Variants in NSUN4 observed in about 807,000 individuals in gnomAD.
NSUN4 encodes the protein NOP2/Sun RNA methyltransferase 4, also known as 5-cytosine rRNA methyltransferase NSUN4.
A neutral mutation model predicts 43.8 loss-of-function variants in NSUN4; 31 were observed. That is an observed-to-expected ratio of 0.71 (90% CI 0.53 to 0.96). NSUN4 has a LOEUF of 0.96. Ranked by LOEUF, NSUN4 falls within the 40% of genes least tolerant of loss-of-function variation. The probability of loss-of-function intolerance (pLI) is 0.00; values close to 1 mark genes in which losing one functional copy is unlikely to be tolerated. For synonymous variants in NSUN4, 167 were observed against 184.1 expected (o/e 0.91, Z 0.75); for missense variants, 439 against 475.6 (o/e 0.92, Z 0.72).
At chr1:46,341,010 C>A in intron 1 of NSUN4, 91 bp downstream of exon 1, 1 of 1,285,266 alleles carries the variant, frequency 7.8e-7, no homozygotes, top group South Asian at 1.4e-5. Context: ...CGCCTAGCGT[C>A]TTTCCCAAGC....
chr1:46,365,208 G>T (rs1370991113), downstream of NSUN4: 1 of 152,104 alleles, frequency 6.6e-6, no homozygotes, highest in Non-Finnish European at 1.5e-5. Context: ...GTATTCCATG[G>T]TGCAGACATA....
intron 4 of NSUN4, among the ~76,000 whole-genome samples, chr1:46,358,855 A>G (rs115227641): frequency 3.9e-5 from 6 of 152,282 alleles, no homozygotes; most frequent in Admixed American, 2.6e-4. Flanking sequence ...TATCAAAACT[A>G]TTGTTGACAA....
At chr1:46,341,907 G>A (rs1399042015) in intron 1 of NSUN4, 1 of 1,232,866 alleles carries the variant, frequency 8.1e-7, no homozygotes, top group Non-Finnish European at 1.0e-6. Flanking sequence ...TTACTCTAGC[G>A]GATGGCCTTC....
At chr1:46,351,811 C>T (rs905135091) in intron 3 of NSUN4, among the ~76,000 whole-genome samples, 3 of 151,200 alleles carry the variant, frequency 2.0e-5, no homozygotes, top group Admixed American at 6.6e-5. Flanking sequence ...ACTACAGGTA[C>T]CCACCCCCAT....
chr1:46,361,935 A>G lies in NSUN4; in HGVS notation c.*89A>G. ...AAACTGGGACCAGTGGCAGAGATGC[A>G]CTCTCGGTCCTGTCTCCATCCTGTT... On this transcript the variant is annotated 3_prime_UTR_variant, in exon 6 of 6. Transcript: ENST00000474844. 1 of 1,200,030 alleles carries G rather than the reference A, an allele frequency of 8.3e-7. No individual in the cohort carries two copies. Among genetic ancestry groups the G allele is most frequent in the Non-Finnish European group, 1.2e-6 (1 of 851,828 alleles). The allele number at this position is 1,200,030 out of a possible 1,614,324, so 74.3% of individuals were successfully genotyped here.
intron 2 of NSUN4, among the ~76,000 whole-genome samples, chr1:46,346,005 G>T (rs988377927): frequency 1.3e-5 from 2 of 151,826 alleles, no homozygotes; most frequent in African/African-American, 2.4e-5. Context: ...AAAAAAATTA[G>T]CTGGGTGTGG....
chr1:46,360,971 C>A, intron 5 of NSUN4, 143 bp downstream of exon 5: 1 of 922,892 alleles, frequency 1.1e-6, no homozygotes, highest in Non-Finnish European at 1.7e-6. Context: ...ATGGGATCAT[C>A]TCTGGAACAT....
At chr1:46,346,840 A>T in intron 2 of NSUN4, 81 bp from the exon 3 acceptor site, 1 of 1,151,222 alleles carries the variant, frequency 8.7e-7, no homozygotes, top group Non-Finnish European at 1.2e-6. Context: ...CAAGCCCCAG[A>T]GGGCATAGAC....
intron 1 of NSUN4, chr1:46,343,508 T>G (rs1662270206): frequency 2.5e-6 from 1 of 399,564 alleles, no homozygotes; most frequent in African/African-American, 2.1e-5. Context: ...CGACTATTAT[T>G]AGCAAATGCC....
chr1:46,341,787 G>A, intron 1 of NSUN4: 1 of 1,232,360 alleles, frequency 8.1e-7, no homozygotes, highest in Non-Finnish European at 1.0e-6. Flanking sequence ...CAGCATTCCG[G>A]GGTCACCCCC....
the NSUN4 span, among the ~76,000 whole-genome samples, chr1:46,370,186 T>TA: frequency 2.6e-5 from 4 of 152,068 alleles, no homozygotes; most frequent in Admixed American, 2.0e-4. Context: ...AAGACAGACT[T>TA]AGGGAAGAGA....
At chr1:46,373,890 G>A in the NSUN4 span, among the ~76,000 whole-genome samples, 2 of 150,584 alleles carry the variant, frequency 1.3e-5, no homozygotes, top group East Asian at 3.9e-4. Context: ...GTAGAGAATA[G>A]AATGGTGGTT....
intron 5 of NSUN4, among the ~76,000 whole-genome samples, chr1:46,361,046 C>T (rs1663831719): frequency 6.6e-6 from 1 of 152,120 alleles, no homozygotes; most frequent in Non-Finnish European, 1.5e-5. Flanking sequence ...ACTCAGGGGG[C>T]TGAGGGAGGA....
chr1:46,362,437 A>G lies in NSUN4; in HGVS notation c.*591A>G, dbSNP rs17361819. ...CTGCTTACCTACTCACATTGGAAAA[A>G]CCCTCTGAGCTGAATAATTCTGGCC... On this transcript the variant is annotated 3_prime_UTR_variant, in exon 6 of 6. Coordinates refer to ENST00000474844, the MANE Select transcript of NSUN4 (RefSeq NM_199044.4). The G allele has an allele frequency of 0.23, 34,258 of 151,692 alleles. 4,321 individuals carry two copies. Among genetic ancestry groups the G allele is most frequent in the Non-Finnish European group, 0.29 (19,889 of 68,184 alleles). The allele number at this position is 151,692 out of a possible 1,614,324, so 9.4% of individuals were successfully genotyped here. A position where few individuals can be genotyped will look rare whatever the true frequency, so the allele number is the denominator to read the frequency against.
chr1:46,366,620 A>G (rs1487172583), downstream of NSUN4, among the ~76,000 whole-genome samples: 3 of 146,080 alleles, frequency 2.1e-5, no homozygotes, highest in Admixed American at 1.4e-4. Flanking sequence ...GTACTTTGGG[A>G]GGCCAAGGCA....
chr1:46,374,475 G>C, the NSUN4 span, among the ~76,000 whole-genome samples: 74 of 151,778 alleles, frequency 4.9e-4, no homozygotes, highest in African/African-American at 1.7e-3. Context: ...TGGGCATGGT[G>C]GTGAGCTCCT....
intron 4 of NSUN4, among the ~76,000 whole-genome samples, chr1:46,356,611 A>G (rs1663391506): frequency 6.6e-6 from 1 of 151,996 alleles, no homozygotes; most frequent in African/African-American, 2.4e-5. Context: ...AGAATGGCGT[A>G]AACCCTGTGG....
intron 1 of NSUN4, 196 bp downstream of exon 1, chr1:46,341,115 T>G: frequency 7.9e-7 from 1 of 1,270,826 alleles, no homozygotes; most frequent in Non-Finnish European, 1.0e-6. Flanking sequence ...GTCTTCCACT[T>G]GTTACGTCTG....
Position 46,345,090 on chromosome 1 carries a change from A to G in NSUN4, c.383A>G (p.Asn128Ser). The change falls in exon 2 of 6, where the codon AAC becomes AGC. Residue 128 changes from asparagine (N) to serine (S), a missense_variant. Transcript: ENST00000474844. ...CCTGCCTCCTGGGCCTGCAGTCCGA[A>G]CCTTCGATGCTTCACTTTTGACAGA... Reference protein sequence around the residue: ...PSPASWACSPNLRCFTFDRGD... With the variant: ...PSPASWACSPSLRCFTFDRGD... 1 of 1,613,918 alleles carries G rather than the reference A, an allele frequency of 6.2e-7. No homozygotes were observed. The highest frequency in any genetic ancestry group is 8.5e-7 in the Non-Finnish European group (1 of 1,179,968).
Sources: allele counts gnomAD v4.1 joint callset (sites outside exome capture counted in the v4.1 genomes callset), GRCh38; gene constraint gnomAD v4.1.1; transcripts MANE v1.5; gene names NCBI Gene and HGNC (gene_info 2026-07-23, HGNC 2026-07-21).